Variants in MTA3 observed in about 807,000 individuals in gnomAD.
MTA3 encodes metastasis-associated protein MTA3.
A neutral mutation model predicts 83.5 loss-of-function variants in MTA3; 34 were observed. That is an observed-to-expected ratio of 0.41 (90% CI 0.31 to 0.54). The LOEUF (loss-of-function observed/expected upper bound fraction) is 0.54. Among genes scored for constraint, MTA3 ranks in the 20% least tolerant of loss-of-function variants. The pLI is 0.33. For missense variants in MTA3, 761 were observed against 726.4 expected, an observed-to-expected ratio of 1.05 and a Z score of -0.55; for synonymous variants, 303 against 252.7, an observed-to-expected ratio of 1.20 and a Z score of -1.89.
chr2:42,704,020 G>A (rs1237430546), intron 11 of MTA3, 174 bp from the exon 12 acceptor site: 2 of 640,848 alleles, frequency 3.1e-6, no homozygotes, highest in East Asian at 3.1e-5. Context: ...GTTTTATAAA[G>A]ATGAGTAGTG....
At chr2:42,594,728 A>ATATATATATATATATAT in intron 3 of MTA3, among the ~76,000 whole-genome samples, 2 of 24,040 alleles carry the variant, frequency 8.3e-5, no homozygotes, top group African/African-American at 2.2e-4. Context: ...ATATATATAT[A>ATATATATATATATATAT]TTTTTTTTTT....
At chr2:42,586,658 G>C (rs541334796) in intron 3 of MTA3, among the ~76,000 whole-genome samples, 13 of 151,490 alleles carry the variant, frequency 8.6e-5, no homozygotes, top group Admixed American at 6.6e-4. Context: ...TTGGCTTCCA[G>C]CACTTTGGGG....
intron 14 of MTA3, chr2:42,709,421 T>A: frequency 5.3e-6 from 3 of 567,384 alleles, no homozygotes; most frequent in Non-Finnish European, 7.6e-6. Flanking sequence ...ACTTTTACCT[T>A]TTAGGTAGTG....
chr2:42,575,038 C>T (rs1169889166), intron 2 of MTA3, among the ~76,000 whole-genome samples: 4 of 152,136 alleles, frequency 2.6e-5, no homozygotes, highest in Non-Finnish European at 5.9e-5. Context: ...TTAATTACAT[C>T]GAAATAGAAA....
rs559373377 is a variant in MTA3, at chr2:42,598,232, A to AT, written c.191-11220dup. Among the ~76,000 whole-genome samples the AT allele has an allele frequency of 8.6e-5, 13 of 151,666 alleles. No individual in the cohort carries two copies. The South Asian group carries it at 2.7e-3, about 32-fold the overall frequency. ...GGACTATTGCCACCACACCCAGCTA[A>AT]TTTTTTGTATTTTTAGTAGAGATGG... On this transcript the variant is annotated intron_variant, in intron 3 of 16. Transcript: ENST00000405094.
At position 42,512,823 on chromosome 2, in the gene MTA3, G is replaced by A. The variant is rs189595113; in HGVS notation, c.-141+17569G>A. 4.6e-5 allele frequency among the ~76,000 whole-genome samples: 7 copies of A among 152,170 alleles called. No individual in the cohort carries two copies. The East Asian group carries it at 5.8e-4, about 13-fold the overall frequency. ...AATTGTATATAACTTCCATTGACTCGGCATTAGTTAAGACTTTCAATTTAT... is the reference window on the plus strand; with the variant it reads ...AATTGTATATAACTTCCATTGACTCAGCATTAGTTAAGACTTTCAATTTAT... On this transcript the variant is annotated intron_variant, in intron 2 of 17. Transcript: ENST00000405592.
intron 2 of MTA3, among the ~76,000 whole-genome samples, chr2:42,507,558 A>G (rs1313990314): frequency 1.3e-5 from 2 of 151,954 alleles, no homozygotes; most frequent in Non-Finnish European, 2.9e-5. Context: ...CATGAGACCT[A>G]TCTTTTGTTG....
At chr2:42,549,543 A>G (rs1676996417) in intron 2 of MTA3, among the ~76,000 whole-genome samples, 1 of 112,010 alleles carries the variant, frequency 8.9e-6, no homozygotes, top group African/African-American at 3.7e-5. Flanking sequence ...TACATATATT[A>G]CATAATATAT....
intron 2 of MTA3, chr2:42,511,563 A>G (rs1307967219): frequency 6.6e-6 from 1 of 152,126 alleles, no homozygotes; most frequent in Non-Finnish European, 1.5e-5. Flanking sequence ...CTAAAAATAC[A>G]AAATTAGCTG....
intron 2 of MTA3, among the ~76,000 whole-genome samples, chr2:42,518,970 C>A (rs1239547422): frequency 0.01 from 1 of 98 alleles, no homozygotes; most frequent in East Asian, 0.056. Context: ...TTTCTCAAAA[C>A]ACACACACAC....
chr2:42,710,570 A>G (rs1222639167), intron 14 of MTA3, among the ~76,000 whole-genome samples: 1 of 151,006 alleles, frequency 6.6e-6, no homozygotes, highest in East Asian at 1.9e-4. Context: ...AAAAAAAAAA[A>G]AAAAGAAAGT....
intron 4 of MTA3, among the ~76,000 whole-genome samples, chr2:42,634,276 T>C (rs76677558): frequency 0.011 from 1,630 of 152,304 alleles, 24 homozygotes; most frequent in African/African-American, 0.038. Flanking sequence ...TTTAATTAGG[T>C]ATTTTAATTA....
chr2:42,565,087 A>G (rs1487830277), upstream of MTA3, among the ~76,000 whole-genome samples: 1 of 151,384 alleles, frequency 6.6e-6, no homozygotes, highest in African/African-American at 2.4e-5. Context: ...ACCGGCACCA[A>G]TCTCTTTTTA....
At chr2:42,642,786 AGGTGCCTGCC>A (rs1687811330) in intron 5 of MTA3, among the ~76,000 whole-genome samples, 1 of 10,482 alleles carries the variant, frequency 9.5e-5, no homozygotes, top group Non-Finnish European at 1.7e-4. Flanking sequence ...CTGGGATTAC[AGGTGCCTGCC>A]ACCACACCCG....
intron 2 of MTA3, among the ~76,000 whole-genome samples, chr2:42,548,877 A>ATATATATATATAATATATATATATATAT (rs1676930634): frequency 1.9e-4 from 2 of 10,640 alleles, no homozygotes; most frequent in Admixed American, 3.2e-3. Context: ...TATATATATA[A>ATATATATATATAATATATATATATATAT]TATATATATA....
chr2:42,539,195 G>T (rs1676409436), intron 2 of MTA3, among the ~76,000 whole-genome samples: 1 of 152,136 alleles, frequency 6.6e-6, no homozygotes, highest in Non-Finnish European at 1.5e-5. Context: ...AAAGAATATT[G>T]TGTATTAGTC....
At chr2:42,587,679 C>T (rs981111868) in intron 3 of MTA3, among the ~76,000 whole-genome samples, 4 of 152,068 alleles carry the variant, frequency 2.6e-5, no homozygotes, top group East Asian at 1.9e-4. Flanking sequence ...TCACTGAAAC[C>T]GCTGCCTTGA....
intron 2 of MTA3, among the ~76,000 whole-genome samples, chr2:42,547,968 C>G (rs930841045): frequency 2.0e-5 from 3 of 152,124 alleles, no homozygotes; most frequent in African/African-American, 4.8e-5. Flanking sequence ...TAAAGAAGTA[C>G]GGAGTCCTTC....
At chr2:42,580,919 G>C (rs1218998872) in intron 3 of MTA3, among the ~76,000 whole-genome samples, 1 of 152,112 alleles carries the variant, frequency 6.6e-6, no homozygotes, top group Non-Finnish European at 1.5e-5. Context: ...AATCACTATG[G>C]TCTTGAGGAC....
Sources: gnomAD v4.1 joint callset for allele counts (sites outside exome capture counted in the v4.1 genomes callset) on GRCh38, gnomAD v4.1.1 for gene constraint, MANE v1.5 for transcripts, NCBI Gene and HGNC (gene_info 2026-07-23, HGNC 2026-07-21) for gene names.